The following NTNG1 variants were observed in gnomAD, a reference collection of about 807,000 sequenced individuals.
NTNG1 encodes netrin-G1.
Under a neutral mutation model 54.0 loss-of-function variants are expected in NTNG1, and 16 were observed. That is an observed-to-expected ratio of 0.30 (90% CI 0.20 to 0.45). NTNG1 has a LOEUF of 0.45. NTNG1 is among the 20% of genes least tolerant of loss of function. The probability of loss-of-function intolerance (pLI) is 1.00; values close to 1 mark genes in which losing one functional copy is unlikely to be tolerated. For synonymous variants in NTNG1, 255 were observed against 263.1 expected (o/e 0.97, Z 0.30); for missense variants, 530 against 678.7 (o/e 0.78, Z 2.43).
At chr1:107,362,140 C>T (rs1670339096) in intron 3 of NTNG1, among the ~76,000 whole-genome samples, 1 of 152,154 alleles carries the variant, frequency 6.6e-6, no homozygotes, top group African/African-American at 2.4e-5. Flanking sequence ...ATCAGAATTA[C>T]CCCAACCTCT....
rs2101499667 is a variant in NTNG1 at position 107,453,753 on chromosome 1, T to C, written c.1390+16954T>C. ...ATAAATTAAACTAAATTTAAAATTA[T>C]TTCAGTAATAAACACACTTTGTGCC... On this transcript the variant is annotated intron_variant, in intron 7 of 7. Transcript: ENST00000370068. Among the ~76,000 whole-genome samples the C allele has an allele frequency of 1.3e-5, 2 of 152,312 alleles. 1 individual carries two copies. Among genetic ancestry groups the C allele is most frequent in the Middle Eastern group, 6.8e-3 (2 of 294 alleles).
At chr1:107,325,694 A>T (rs541140557) in intron 3 of NTNG1, among the ~76,000 whole-genome samples, 1 of 152,150 alleles carries the variant, frequency 6.6e-6, no homozygotes, top group South Asian at 2.1e-4. Context: ...CCACATAGGG[A>T]TTTTCAACCA....
At chr1:107,436,496 C>G (rs944253201) in intron 6 of NTNG1, among the ~76,000 whole-genome samples, 169 bp from the exon 7 acceptor site, 1 of 152,132 alleles carries the variant, frequency 6.6e-6, no homozygotes, top group Non-Finnish European at 1.5e-5. Flanking sequence ...TCATGGAAGG[C>G]TAAGCGAATA....
intron 4 of NTNG1, among the ~76,000 whole-genome samples, chr1:107,407,435 A>G (rs1456999727): frequency 6.6e-6 from 1 of 152,044 alleles, no homozygotes; most frequent in Non-Finnish European, 1.5e-5. Context: ...TTAACTTCCC[A>G]ACTCTGATGA....
intron 7 of NTNG1, among the ~76,000 whole-genome samples, chr1:107,452,626 G>T (rs191304933): frequency 5.9e-5 from 9 of 152,202 alleles, no homozygotes; most frequent in Non-Finnish European, 8.8e-5. Context: ...AATTCTCATG[G>T]GAATGGATTA....
At chr1:107,315,478 C>T (rs1667283464) in intron 2 of NTNG1, among the ~76,000 whole-genome samples, 1 of 152,166 alleles carries the variant, frequency 6.6e-6, no homozygotes, top group Non-Finnish European at 1.5e-5. Context: ...CATGCATGAT[C>T]TCCTCTGTGA....
chr1:107,287,737 T>A (rs1426744810), intron 2 of NTNG1, among the ~76,000 whole-genome samples: 1 of 152,132 alleles, frequency 6.6e-6, no homozygotes, highest in East Asian at 1.9e-4. Context: ...GGAGCAGAGA[T>A]TTACAGTTCA....
At chr1:107,366,840 C>T (rs749197938) in intron 3 of NTNG1, among the ~76,000 whole-genome samples, 10 of 152,104 alleles carry the variant, frequency 6.6e-5, no homozygotes, top group South Asian at 2.1e-4. Context: ...CAGTTCATTT[C>T]GTTCACAAAA....
chr1:107,347,085 T>A (rs1346554070), intron 3 of NTNG1, among the ~76,000 whole-genome samples: 1 of 151,834 alleles, frequency 6.6e-6, no homozygotes, highest in Non-Finnish European at 1.5e-5. Flanking sequence ...CAGTAAGGCT[T>A]CCTATCACTT....
intron 5 of NTNG1, among the ~76,000 whole-genome samples, chr1:107,419,622 T>TC (rs886442120): frequency 1.5e-4 from 17 of 114,924 alleles, no homozygotes; most frequent in Non-Finnish European, 7.6e-5. Context: ...TCTTCCTTCT[T>TC]CAAAAAAAAA....
At chr1:107,450,434 G>A (rs976931322) in intron 7 of NTNG1, among the ~76,000 whole-genome samples, 2 of 152,002 alleles carry the variant, frequency 1.3e-5, no homozygotes, top group Admixed American at 6.6e-5. Context: ...GTATGGGCAC[G>A]CAGTAAGATA....
At chr1:107,143,363 G>A (rs1653876414) in intron 1 of NTNG1, 1 of 152,058 alleles carries the variant, frequency 6.6e-6, no homozygotes, top group Admixed American at 6.6e-5. Context: ...TTGTATATTT[G>A]CAAGTGGTGC....
At chr1:107,351,949 C>A (rs1189317730) in intron 3 of NTNG1, among the ~76,000 whole-genome samples, 1 of 152,236 alleles carries the variant, frequency 6.6e-6, no homozygotes, top group African/African-American at 2.4e-5. Context: ...GTCCAAAACC[C>A]AACATGGTAG....
chr1:107,239,976 A>T (rs1218198567), intron 2 of NTNG1, among the ~76,000 whole-genome samples: 1 of 152,214 alleles, frequency 6.6e-6, no homozygotes, highest in Non-Finnish European at 1.5e-5. Flanking sequence ...CACTAGTCAC[A>T]CTTCAAGGGT....
chr1:107,318,036 G>A (rs1254380172), intron 2 of NTNG1, among the ~76,000 whole-genome samples: 1 of 152,156 alleles, frequency 6.6e-6, no homozygotes, highest in African/African-American at 2.4e-5. Flanking sequence ...CTAATGTTGG[G>A]ACAGTCCCAT....
At chr1:107,267,125 C>T (rs189071100) in intron 2 of NTNG1, among the ~76,000 whole-genome samples, 6 of 152,204 alleles carry the variant, frequency 3.9e-5, no homozygotes, top group East Asian at 1.9e-4. Context: ...CATTGGGAGA[C>T]GTGTTAAAAT....
intron 5 of NTNG1, 37 bp from the exon 6 acceptor site, chr1:107,430,713 T>C: frequency 3.1e-6 from 5 of 1,608,224 alleles, no homozygotes; most frequent in Non-Finnish European, 4.3e-6. Flanking sequence ...TCTGCTACTG[T>C]ATACACTCTG....
chr1:107,402,028 C>A (rs944738131), intron 4 of NTNG1, among the ~76,000 whole-genome samples: 8 of 152,184 alleles, frequency 5.3e-5, no homozygotes, highest in African/African-American at 1.7e-4. Context: ...AGACCCAGCA[C>A]ATAAGCAGCA....
At chr1:107,280,901 AT>A (rs140457943) in intron 2 of NTNG1, among the ~76,000 whole-genome samples, 33 of 130,534 alleles carry the variant, frequency 2.5e-4, no homozygotes, top group African/African-American at 9.7e-4. Context: ...ATTTTATTTT[AT>A]TTATTTTGGC....
Sources: allele counts gnomAD v4.1 joint callset (sites outside exome capture counted in the v4.1 genomes callset), GRCh38; gene constraint gnomAD v4.1.1; transcripts MANE v1.5; gene names NCBI Gene and HGNC (gene_info 2026-07-23, HGNC 2026-07-21).